Variants in TOP6BL observed in about 807,000 individuals in gnomAD.
The protein encoded by TOP6BL is type 2 DNA topoisomerase 6 subunit B-like.
the TOP6BL span, chr11:66,748,580 T>A: frequency 7.8e-7 from 1 of 1,283,402 alleles, no homozygotes; most frequent in Non-Finnish European, 1.0e-6. Flanking sequence ...GTAGCTTATT[T>A]AAAAATTTCA....
chr11:66,807,600 A>C, the TOP6BL span, among the ~76,000 whole-genome samples: 1 of 152,138 alleles, frequency 6.6e-6, no homozygotes, highest in Admixed American at 6.6e-5. Flanking sequence ...CAAAAAAATC[A>C]TAAAAGCATC....
the TOP6BL span, among the ~76,000 whole-genome samples, chr11:66,763,719 C>T: frequency 7.9e-5 from 12 of 152,126 alleles, no homozygotes; most frequent in Admixed American, 2.0e-4. Context: ...ATCCTCCAGC[C>T]TCAGCCTCTT....
At chr11:66,780,789 C>G in the TOP6BL span, among the ~76,000 whole-genome samples, 12,243 of 152,032 alleles carry the variant, frequency 0.081, 585 homozygotes, top group East Asian at 0.14. Context: ...TCCATGTTGA[C>G]CAGGCTGGTC....
the TOP6BL span, among the ~76,000 whole-genome samples, chr11:66,759,465 G>C: frequency 6.6e-6 from 1 of 152,190 alleles, no homozygotes; most frequent in African/African-American, 2.4e-5. Context: ...CTACTTCAAA[G>C]AAATAATGTG....
At chr11:66,783,270 G>A in the TOP6BL span, among the ~76,000 whole-genome samples, 1 of 152,176 alleles carries the variant, frequency 6.6e-6, no homozygotes, top group Non-Finnish European at 1.5e-5. Flanking sequence ...GGCTGAGGTA[G>A]GAGGATCCTT....
At chr11:66,828,937 C>T in the TOP6BL span, 5 of 149,300 alleles carry the variant, frequency 3.3e-5, no homozygotes, top group Non-Finnish European at 1.5e-5. Flanking sequence ...CTCCAGCATC[C>T]AAAAAGGTGA....
At chr11:66,759,914 A>G in the TOP6BL span, among the ~76,000 whole-genome samples, 1 of 151,998 alleles carries the variant, frequency 6.6e-6, no homozygotes, top group Non-Finnish European at 1.5e-5. Flanking sequence ...ACTTAAGAAT[A>G]CTCTACAAGC....
chr11:66,783,985 C>G, the TOP6BL span, among the ~76,000 whole-genome samples: 1 of 151,978 alleles, frequency 6.6e-6, no homozygotes, highest in Non-Finnish European at 1.5e-5. Flanking sequence ...ACCACCACAC[C>G]TAGTTAATTT....
the TOP6BL span, among the ~76,000 whole-genome samples, chr11:66,760,744 T>C: frequency 2.0e-5 from 3 of 150,736 alleles, no homozygotes; most frequent in Non-Finnish European, 4.4e-5. Context: ...GTAAAGGCTG[T>C]AGTAAGCCGT....
the TOP6BL span, among the ~76,000 whole-genome samples, chr11:66,775,188 G>C: frequency 6.7e-6 from 1 of 149,210 alleles, no homozygotes; most frequent in Non-Finnish European, 1.5e-5. Context: ...TGGAATTATA[G>C]ATTAAGTTGG....
chr11:66,805,986 TAAAG>T, the TOP6BL span, among the ~76,000 whole-genome samples: 371 of 152,348 alleles, frequency 2.4e-3, 2 homozygotes, highest in African/African-American at 8.4e-3. Context: ...ATTTAGGAGA[TAAAG>T]AAGATGAGTT....
At chr11:66,776,351 G>A in the TOP6BL span, among the ~76,000 whole-genome samples, 4 of 152,012 alleles carry the variant, frequency 2.6e-5, no homozygotes, top group Admixed American at 1.3e-4. Flanking sequence ...GAGCCATCAC[G>A]CCTGGCATAT....
the TOP6BL span, among the ~76,000 whole-genome samples, chr11:66,793,423 C>G: frequency 7.1e-6 from 1 of 141,666 alleles, no homozygotes; most frequent in South Asian, 2.4e-4. Context: ...AATACTTTTT[C>G]AAATAATTTT....
At chr11:66,750,583 G>A in the TOP6BL span, among the ~76,000 whole-genome samples, 7 of 151,688 alleles carry the variant, frequency 4.6e-5, no homozygotes, top group East Asian at 9.7e-4. Context: ...AGTACCCTGC[G>A]TGCTTCCCCC....
At chr11:66,806,679 A>G in the TOP6BL span, among the ~76,000 whole-genome samples, 1 of 152,120 alleles carries the variant, frequency 6.6e-6, no homozygotes, top group Non-Finnish European at 1.5e-5. Flanking sequence ...GAGACAGGAG[A>G]ATTACTTGAA....
At chr11:66,761,638 G>A in the TOP6BL span, 2 of 1,210,942 alleles carry the variant, frequency 1.7e-6, no homozygotes, top group South Asian at 1.3e-5. Flanking sequence ...GGTGCTCCGG[G>A]GCTGTGCGAA....
the TOP6BL span, chr11:66,744,887 G>T: frequency 7.8e-7 from 1 of 1,283,860 alleles, no homozygotes; most frequent in Non-Finnish European, 9.9e-7. Flanking sequence ...TTCCCTGCGC[G>T]GCATGGAGGG....
At chr11:66,761,470 A>C in the TOP6BL span, 5 of 385,570 alleles carry the variant, frequency 1.3e-5, no homozygotes, top group Non-Finnish European at 2.2e-5. Context: ...TTTCCCCATG[A>C]TATTAGGATG....
chr11:66,762,944 C>G, the TOP6BL span, among the ~76,000 whole-genome samples: 2 of 152,172 alleles, frequency 1.3e-5, no homozygotes, highest in African/African-American at 4.8e-5. Context: ...GTGTCTCACA[C>G]CTATAATACC....
Sources: allele counts gnomAD v4.1 joint callset (sites outside exome capture counted in the v4.1 genomes callset), GRCh38; gene constraint gnomAD v4.1.1; transcripts MANE v1.5; gene names NCBI Gene and HGNC (gene_info 2026-07-23, HGNC 2026-07-21).